Variants in CHD6 observed in about 807,000 individuals in gnomAD.
The protein encoded by CHD6 is chromodomain helicase DNA binding protein 6.
CHD6 carries 50 observed loss-of-function variants against 276.9 expected under a neutral mutation model. That is an observed-to-expected ratio of 0.18 (90% CI 0.14 to 0.23). The LOEUF (loss-of-function observed/expected upper bound fraction) is 0.23, where lower values mean the gene tolerates loss of function less well. Ranked by LOEUF, CHD6 falls within the 10% of genes least tolerant of loss-of-function variation. The pLI is 1.00. For synonymous variants in CHD6, 1,173 were observed against 1,229.3 expected, an observed-to-expected ratio of 0.95 and a Z score of 0.96; for missense variants, 2,564 against 3,365.8, an observed-to-expected ratio of 0.76 and a Z score of 5.89.
At chr20:41,431,760 A>G (rs1363792070) in intron 27 of CHD6, among the ~76,000 whole-genome samples, 1 of 131,322 alleles carries the variant, frequency 7.6e-6, no homozygotes, top group East Asian at 2.6e-4. Context: ...AAGGAATGAC[A>G]TGATGAAAAA....
At chr20:41,503,212 G>C (rs983750616) in intron 5 of CHD6, among the ~76,000 whole-genome samples, 2 of 152,044 alleles carry the variant, frequency 1.3e-5, no homozygotes, top group East Asian at 3.9e-4. Context: ...CTAGTTTATA[G>C]AAATAAAAAA....
chr20:41,481,554 T>C (rs2043295919), intron 16 of CHD6, among the ~76,000 whole-genome samples: 1 of 152,038 alleles, frequency 6.6e-6, no homozygotes, highest in South Asian at 2.1e-4. Context: ...GTAAAAACAA[T>C]ATTGATCAGA....
intron 28 of CHD6, 38 bp from the exon 29 acceptor site, chr20:41,425,432 G>A (rs1203368502): frequency 6.4e-7 from 1 of 1,556,272 alleles, no homozygotes; most frequent in South Asian, 1.1e-5. Context: ...TTTACAAACA[G>A]AACTAAAACA....
chr20:41,441,898 T>C (rs775622255), intron 25 of CHD6, among the ~76,000 whole-genome samples: 28 of 152,160 alleles, frequency 1.8e-4, no homozygotes, highest in Non-Finnish European at 3.5e-4. Flanking sequence ...TCAACAGAAA[T>C]ACTAAAGTCT....
At chr20:41,443,464 TA>T (rs1487666526) in intron 25 of CHD6, among the ~76,000 whole-genome samples, 1 of 152,226 alleles carries the variant, frequency 6.6e-6, no homozygotes, top group Non-Finnish European at 1.5e-5. Context: ...AATTATTAAT[TA>T]TATCTTCCTG....
At chr20:41,589,949 A>T (rs971020240) in intron 1 of CHD6, among the ~76,000 whole-genome samples, 2 of 152,152 alleles carry the variant, frequency 1.3e-5, no homozygotes, top group African/African-American at 4.8e-5. Context: ...GCATCACGCT[A>T]CCTGACTTCA....
intron 31 of CHD6, among the ~76,000 whole-genome samples, chr20:41,419,277 A>C (rs2047102118): frequency 2.0e-5 from 3 of 152,132 alleles, no homozygotes; most frequent in Admixed American, 6.5e-5. Context: ...GAGTTTAAAA[A>C]TAAAAAGCTA....
chr20:41,482,209 T>C (rs1429234047), intron 16 of CHD6, among the ~76,000 whole-genome samples: 1 of 152,154 alleles, frequency 6.6e-6, no homozygotes, highest in Non-Finnish European at 1.5e-5. Flanking sequence ...TAAGATAATA[T>C]AAGAAGCAAA....
Position 41,484,443 on chromosome 20 carries a change from C to T in CHD6, c.2166G>A (p.Leu722=). Residue 722 remains leucine, a synonymous_variant, in exon 15 of 37, where the codon CTG becomes CTA. Transcript: ENST00000373233. ...TGTTGTGCTGATTTGCCCCCTTGGT[C>T]AGGAAGGAAAAGTTCTTCTCGAGGA... ...RAILEKNFSF[L]TKGANQHNMP... is the part of the protein sequence containing the mutation. The T allele has an allele frequency of 1.2e-6, 2 of 1,613,818 alleles. No homozygotes were observed. The highest frequency in any genetic ancestry group is 2.2e-5 in the South Asian group (2 of 91,050).
chr20:41,525,428 A>G (rs2044507534), intron 3 of CHD6, among the ~76,000 whole-genome samples: 1 of 152,154 alleles, frequency 6.6e-6, no homozygotes, highest in Admixed American at 6.5e-5. Context: ...GCTCCATTGC[A>G]AGGAGGAAAC....
Position 41,551,364 on chromosome 20 carries a change from T to A in CHD6, c.-23-4A>T. On this transcript the variant is annotated splice_polypyrimidine_tract_variant and splice_region_variant and intron_variant, in intron 1 of 36. Coordinates refer to ENST00000373233, the MANE Select transcript of CHD6 (RefSeq NM_032221.5). ...TATTGAAGGAAGATATTTATTTCTGTAAAACATTTTTAAAAAGGCAAAGAT... is the reference window on the plus strand; with the variant it reads ...TATTGAAGGAAGATATTTATTTCTGAAAAACATTTTTAAAAAGGCAAAGAT... 7.6e-7 allele frequency: 1 copy of A among 1,309,550 alleles called. No individual in the cohort carries two copies. The highest frequency in any genetic ancestry group is 1.1e-6 in the Non-Finnish European group (1 of 917,228). 81.1% of individuals were successfully genotyped at this position (1,309,550 alleles called of 1,614,324 possible).
chr20:41,454,449 G>T (rs1321019197), intron 20 of CHD6, among the ~76,000 whole-genome samples, 177 bp downstream of exon 20: 1 of 152,158 alleles, frequency 6.6e-6, no homozygotes, highest in Non-Finnish European at 1.5e-5. Context: ...ATTTAAAAAT[G>T]ACAACAGTTA....
intron 1 of CHD6, among the ~76,000 whole-genome samples, chr20:41,561,884 C>A (rs1289059999): frequency 6.6e-6 from 1 of 152,176 alleles, no homozygotes. Flanking sequence ...TTAGAATCAT[C>A]TTTTCAAAAT....
Position 41,447,900 on chromosome 20 carries a change from A to G in CHD6, c.3755T>C (p.Phe1252Ser), listed in dbSNP as rs751824214. 11 of 1,610,918 alleles carry G rather than the reference A, an allele frequency of 6.8e-6. No individual in the cohort carries two copies. Among genetic ancestry groups the G allele is most frequent in the Middle Eastern group, 3.3e-4 (2 of 6,048 alleles). Reference protein sequence around the residue: ...EILGEAAEKAFEGSPARELDV... With the variant: ...EILGEAAEKASEGSPARELDV... ...GCTTTACCTGGCAGGAGATCCTTCA[A>G]ATGCTTTCTCAGCTGCTTCTCCCAG... Residue 1252 changes from phenylalanine (F) to serine (S), a missense_variant, in exon 24 of 37, where the codon TTT (phenylalanine) becomes TCT (serine). By Grantham distance (155) the Phe-to-Ser change is radical (BLOSUM62 -2). This residue lies in a region of CHD6 where 515 missense variants were observed against 739.5 expected (regional missense o/e 0.70). Transcript: ENST00000373233.
chr20:41,507,443 A>C (rs1430528544), intron 5 of CHD6, among the ~76,000 whole-genome samples: 1 of 152,128 alleles, frequency 6.6e-6, no homozygotes, highest in East Asian at 1.9e-4. Flanking sequence ...ATGTTAAAGA[A>C]TCAGTAGTGA....
At chr20:41,537,825 T>C (rs2146095615) in intron 2 of CHD6, among the ~76,000 whole-genome samples, 1 of 152,284 alleles carries the variant, frequency 6.6e-6, no homozygotes, top group East Asian at 1.9e-4. Context: ...TGACAGTCCT[T>C]CAAGAAGTTA....
chr20:41,423,429 C>A (rs2047259667), intron 30 of CHD6, 63 bp downstream of exon 30: 1 of 1,497,658 alleles, frequency 6.7e-7, no homozygotes, highest in Non-Finnish European at 9.3e-7. Context: ...AGTAATTCTG[C>A]AATTTGAAAA....
At chr20:41,430,247 T>G (rs77565373) in intron 27 of CHD6, among the ~76,000 whole-genome samples, 1,911 of 152,384 alleles carry the variant, frequency 0.013, 19 homozygotes, top group South Asian at 0.034. Flanking sequence ...AATGATATTC[T>G]ATACCCCAGG....
At chr20:41,570,275 A>G (rs556463874) in intron 1 of CHD6, among the ~76,000 whole-genome samples, 60 of 152,382 alleles carry the variant, frequency 3.9e-4, no homozygotes, top group African/African-American at 1.4e-3. Context: ...TTAAAGGCTC[A>G]TCAAAATCCT....
Sources: gnomAD v4.1 joint callset for allele counts (sites outside exome capture counted in the v4.1 genomes callset) on GRCh38, gnomAD v4.1.1 for gene constraint, gnomAD v4.1.1 regional missense constraint, MANE v1.5 for transcripts, NCBI Gene and HGNC (gene_info 2026-07-23, HGNC 2026-07-21) for gene names.